The following ACTR3C variants were observed in gnomAD, a reference collection of about 807,000 sequenced individuals.
The protein encoded by ACTR3C is actin-related protein 3C.
In ACTR3C, 18 loss-of-function variants were observed where a neutral mutation model predicts 26.3. The observed-to-expected ratio is 0.68, with a 90% CI of 0.47 to 1.01. The LOEUF (loss-of-function observed/expected upper bound fraction) is 1.01, where lower values mean the gene tolerates loss of function less well. Among genes scored for constraint, ACTR3C ranks in the 50% least tolerant of loss-of-function variants. The probability of loss-of-function intolerance (pLI) is 0.00; values close to 1 mark genes in which losing one functional copy is unlikely to be tolerated. For synonymous variants in ACTR3C, 55 were observed against 94.5 expected (o/e 0.58, Z 2.42); for missense variants, 184 against 250.7 (o/e 0.73, Z 1.80).
chr7:150,049,837 A>G, the ACTR3C span, among the ~76,000 whole-genome samples: 1 of 152,266 alleles, frequency 6.6e-6, no homozygotes, highest in African/African-American at 2.4e-5. Context: ...ACCCTTTACT[A>G]TGAAGAAACA....
At chr7:150,182,889 G>A in the ACTR3C span, among the ~76,000 whole-genome samples, 1 of 150,964 alleles carries the variant, frequency 6.6e-6, no homozygotes, top group Non-Finnish European at 1.5e-5. Flanking sequence ...TAAACTAAAA[G>A]TTAAAAAATA....
chr7:150,223,957 T>C, the ACTR3C span, among the ~76,000 whole-genome samples: 50 of 152,296 alleles, frequency 3.3e-4, 1 homozygote, highest in South Asian at 1.9e-3. Context: ...CTCAAAGGCC[T>C]CTAGAGAGAG....
At chr7:150,035,397 C>A in the ACTR3C span, among the ~76,000 whole-genome samples, 1 of 42,614 alleles carries the variant, frequency 2.3e-5, no homozygotes, top group African/African-American at 9.8e-5. Context: ...GATGGGGGTC[C>A]TAAGATCCAG....
At chr7:150,155,964 A>G in the ACTR3C span, among the ~76,000 whole-genome samples, 1 of 152,150 alleles carries the variant, frequency 6.6e-6, no homozygotes, top group Non-Finnish European at 1.5e-5. Context: ...GAGAGAGTAA[A>G]AGTTGACCTA....
intron 6 of ACTR3C, among the ~76,000 whole-genome samples, chr7:150,263,224 CAT>C (rs1177589530): frequency 2.0e-5 from 3 of 151,646 alleles, no homozygotes; most frequent in African/African-American, 7.3e-5. Context: ...AAAGCAGAAA[CAT>C]ATGTATAGTC....
At chr7:149,920,468 G>A in the ACTR3C span, among the ~76,000 whole-genome samples, 2 of 151,592 alleles carry the variant, frequency 1.3e-5, no homozygotes, top group Non-Finnish European at 2.9e-5. Flanking sequence ...CACCACACCT[G>A]GCTTTTTCTT....
the ACTR3C span, among the ~76,000 whole-genome samples, chr7:149,949,994 G>T: frequency 4.7e-4 from 68 of 145,612 alleles, 1 homozygote; most frequent in Non-Finnish European, 9.1e-4. Context: ...CCCTGGACAG[G>T]GAGGAAGTGC....
At chr7:149,958,104 T>A in the ACTR3C span, among the ~76,000 whole-genome samples, 1 of 152,114 alleles carries the variant, frequency 6.6e-6, no homozygotes, top group Admixed American at 6.6e-5. Flanking sequence ...GGTTGTCTTG[T>A]CCAATTAATA....
At chr7:150,045,421 C>T in the ACTR3C span, among the ~76,000 whole-genome samples, 1 of 152,222 alleles carries the variant, frequency 6.6e-6, no homozygotes, top group Admixed American at 6.5e-5. Context: ...ATTTAAAGGA[C>T]ATATGTGCAA....
At chr7:150,185,310 T>C in the ACTR3C span, among the ~76,000 whole-genome samples, 1 of 152,010 alleles carries the variant, frequency 6.6e-6, no homozygotes, top group Non-Finnish European at 1.5e-5. Flanking sequence ...TGTGTGTGTG[T>C]GTGTGTGTGT....
At chr7:150,310,112 G>A (rs1385258686) in intron 1 of ACTR3C, among the ~76,000 whole-genome samples, 1 of 152,002 alleles carries the variant, frequency 6.6e-6, no homozygotes, top group South Asian at 2.1e-4. Context: ...CCCTTATTAG[G>A]CTGAGACATT....
At chr7:150,220,274 C>T in the ACTR3C span, among the ~76,000 whole-genome samples, 1 of 147,404 alleles carries the variant, frequency 6.8e-6, no homozygotes, top group Non-Finnish European at 1.5e-5. Context: ...GGATACCTGA[C>T]GCTATTGGAG....
the ACTR3C span, among the ~76,000 whole-genome samples, chr7:149,965,527 C>T: frequency 6.7e-6 from 1 of 148,796 alleles, no homozygotes; most frequent in Non-Finnish European, 1.5e-5. Context: ...ACATGAAACT[C>T]TAATTCTTGG....
chr7:150,194,716 T>C, the ACTR3C span, among the ~76,000 whole-genome samples: 7 of 152,198 alleles, frequency 4.6e-5, no homozygotes, highest in African/African-American at 1.7e-4. Flanking sequence ...CTATTACTTA[T>C]GCCCATGTTT....
chr7:149,988,383 G>T, the ACTR3C span, among the ~76,000 whole-genome samples: 1 of 152,230 alleles, frequency 6.6e-6, no homozygotes, highest in Non-Finnish European at 1.5e-5. Context: ...TGCAGGAATT[G>T]ATAAGGCGGA....
intron 5 of ACTR3C, among the ~76,000 whole-genome samples, chr7:150,285,752 T>A (rs1247534510): frequency 2.0e-5 from 3 of 152,206 alleles, no homozygotes; most frequent in Admixed American, 6.5e-5. Flanking sequence ...AAAATATAAA[T>A]AAAATGCATT....
chr7:150,148,480 C>A, the ACTR3C span, among the ~76,000 whole-genome samples: 1 of 151,134 alleles, frequency 6.6e-6, no homozygotes, highest in African/African-American at 2.4e-5. Context: ...CTGTCTCGGG[C>A]GGAAAAAAAA....
At chr7:150,018,347 T>C in the ACTR3C span, among the ~76,000 whole-genome samples, 1 of 110,824 alleles carries the variant, frequency 9.0e-6, no homozygotes, top group East Asian at 3.1e-4. Flanking sequence ...GGCCCAGGCA[T>C]TTTTTTTTTT....
the ACTR3C span, among the ~76,000 whole-genome samples, chr7:150,176,741 G>A: frequency 1.9e-4 from 29 of 150,732 alleles, no homozygotes; most frequent in Non-Finnish European, 4.4e-5. Context: ...TCTTCTCTTA[G>A]GAGACTTAAA....
Sources: allele counts gnomAD v4.1 joint callset (sites outside exome capture counted in the v4.1 genomes callset), GRCh38; gene constraint gnomAD v4.1.1; transcripts MANE v1.5; gene names NCBI Gene and HGNC (gene_info 2026-07-23, HGNC 2026-07-21).